Variants in SND1 observed in about 807,000 individuals in gnomAD.
SND1 encodes the protein staphylococcal nuclease and tudor domain containing 1.
A neutral mutation model predicts 121.7 loss-of-function variants in SND1; 38 were observed. The ratio of observed to expected loss-of-function variants is 0.31; its 90% CI spans 0.24 to 0.41. SND1 has a LOEUF of 0.41. SND1 is among the 10% of genes least tolerant of loss of function. The pLI is 1.00. For missense variants in SND1, 868 were observed against 1,184.6 expected, an observed-to-expected ratio of 0.73 and a Z score of 3.92; for synonymous variants, 401 against 447.4, an observed-to-expected ratio of 0.90 and a Z score of 1.31.
At chr7:127,814,926 A>G (rs1246672716) in intron 11 of SND1, among the ~76,000 whole-genome samples, 1 of 152,212 alleles carries the variant, frequency 6.6e-6, no homozygotes, top group Non-Finnish European at 1.5e-5. Context: ...AATTTGGGTC[A>G]TGTAGTTGTA....
intron 10 of SND1, among the ~76,000 whole-genome samples, chr7:127,751,067 T>G (rs1305851627): frequency 6.6e-6 from 1 of 152,180 alleles, no homozygotes; most frequent in Non-Finnish European, 1.5e-5. Context: ...TTATTGATGT[T>G]ACTGAAGCAG....
Position 127,766,603 on chromosome 7 carries a change from GTC to G in SND1, c.1153-40877_1153-40876del, listed in dbSNP as rs370253201. On this transcript the variant is annotated intron_variant, in intron 10 of 23. Coordinates refer to ENST00000354725, the MANE Select transcript of SND1 (RefSeq NM_014390.4). Reference sequence around the variant, plus strand: ...ATCCTGGCCAACGTGGTGAAACCCCGTCTCTACTAAAAATACAAAAAATTAGC... The same window carrying G: ...ATCCTGGCCAACGTGGTGAAACCCCGTCTACTAAAAATACAAAAAATTAGC... Among the ~76,000 whole-genome samples, 1,343 of 151,506 alleles carry G rather than the reference GTC, an allele frequency of 8.9e-3. 24 individuals carry two copies. The highest frequency in any genetic ancestry group is 0.031 in the African/African-American group (1,277 of 41,396).
chr7:127,991,102 A>G (rs768996712), intron 16 of SND1, 46 bp downstream of exon 16: 4 of 1,400,086 alleles, frequency 2.9e-6, no homozygotes, highest in African/African-American at 1.4e-5. Flanking sequence ...GGGTGACAAA[A>G]TAAGGCTCCC....
chr7:127,939,436 A>T (rs1398716171), intron 15 of SND1, among the ~76,000 whole-genome samples: 1 of 152,214 alleles, frequency 6.6e-6, no homozygotes, highest in Non-Finnish European at 1.5e-5. Context: ...TAAAGTCATC[A>T]CTAAAAATAA....
At chr7:127,958,163 C>T (rs1373395150) in intron 15 of SND1, among the ~76,000 whole-genome samples, 2 of 152,162 alleles carry the variant, frequency 1.3e-5, no homozygotes, top group Non-Finnish European at 2.9e-5. Context: ...AGGGCCAACC[C>T]AGATCCAAGA....
intron 15 of SND1, among the ~76,000 whole-genome samples, chr7:127,943,928 C>A (rs1801270654): frequency 6.6e-6 from 1 of 152,202 alleles, no homozygotes; most frequent in Admixed American, 6.5e-5. Flanking sequence ...CCAGTCACTC[C>A]TCATCCTGCT....
At chr7:127,780,230 T>C (rs948751727) in intron 10 of SND1, among the ~76,000 whole-genome samples, 2 of 152,152 alleles carry the variant, frequency 1.3e-5, no homozygotes, top group Non-Finnish European at 2.9e-5. Context: ...TTCTTATGTG[T>C]TTTATATGTT....
intron 11 of SND1, among the ~76,000 whole-genome samples, chr7:127,811,450 G>T (rs1798333589): frequency 6.6e-6 from 1 of 152,108 alleles, no homozygotes; most frequent in African/African-American, 2.4e-5. Context: ...GGTGTTATGG[G>T]AGTTACCCCA....
intron 10 of SND1, among the ~76,000 whole-genome samples, chr7:127,773,989 TATA>T (rs1797567822): frequency 6.6e-6 from 1 of 152,212 alleles, no homozygotes; most frequent in African/African-American, 2.4e-5. Flanking sequence ...CTTCCAGTCG[TATA>T]ATAATAATAA....
At chr7:127,900,462 C>A (rs1268000787) in intron 13 of SND1, among the ~76,000 whole-genome samples, 1 of 152,224 alleles carries the variant, frequency 6.6e-6, no homozygotes, top group East Asian at 1.9e-4. Context: ...AGAGCAGACT[C>A]TTCCTTGGCA....
intron 17 of SND1, among the ~76,000 whole-genome samples, chr7:128,078,807 C>T (rs1343912707): frequency 6.6e-6 from 1 of 152,242 alleles, no homozygotes; most frequent in Admixed American, 6.5e-5. Flanking sequence ...TGGGAGCCCT[C>T]AACAGCTTGC....
chr7:127,910,443 T>A (rs1462163872), intron 14 of SND1, among the ~76,000 whole-genome samples: 1 of 151,312 alleles, frequency 6.6e-6, no homozygotes, highest in African/African-American at 2.4e-5. Context: ...AGACTCCATC[T>A]CAAAAAAAAA....
At chr7:127,869,595 G>A (rs1049088392) in intron 12 of SND1, among the ~76,000 whole-genome samples, 1 of 152,112 alleles carries the variant, frequency 6.6e-6, no homozygotes, top group Non-Finnish European at 1.5e-5. Flanking sequence ...GGCAAGGGTA[G>A]TAGAGAGAGG....
At chr7:128,013,859 A>AAGTTT (rs1379931297) in intron 16 of SND1, among the ~76,000 whole-genome samples, 2 of 152,254 alleles carry the variant, frequency 1.3e-5, no homozygotes, top group Non-Finnish European at 2.9e-5. Flanking sequence ...CTTGTAGAGC[A>AAGTTT]GCCTGTGACT....
chr7:128,027,542 C>G (rs941316109), intron 16 of SND1: 1 of 152,396 alleles, frequency 6.6e-6, no homozygotes, highest in Non-Finnish European at 1.5e-5. Flanking sequence ...AACCAGTTGA[C>G]ATCCGCTGTA....
At chr7:127,827,315 C>T (rs532504733) in intron 11 of SND1, among the ~76,000 whole-genome samples, 1 of 152,230 alleles carries the variant, frequency 6.6e-6, no homozygotes, top group African/African-American at 2.4e-5. Context: ...ATAATTAAAT[C>T]GTTAAAAATT....
intron 12 of SND1, among the ~76,000 whole-genome samples, chr7:127,872,633 C>T (rs976074716): frequency 2.0e-5 from 1 of 51,020 alleles, no homozygotes; most frequent in African/African-American, 8.7e-5. Context: ...CACACGCACA[C>T]ACACACACAC....
intron 9 of SND1, among the ~76,000 whole-genome samples, chr7:127,715,206 A>AT (rs1796366214): frequency 1.3e-5 from 2 of 149,646 alleles, no homozygotes. Flanking sequence ...GTGTGAGGTG[A>AT]TGTCTCATTG....
intron 13 of SND1, among the ~76,000 whole-genome samples, chr7:127,901,279 A>T (rs1800225754): frequency 6.6e-6 from 1 of 152,114 alleles, no homozygotes; most frequent in Admixed American, 6.6e-5. Flanking sequence ...ATAGCCTGGA[A>T]TAAAGATGGT....
Sources: gnomAD v4.1 joint callset for allele counts (sites outside exome capture counted in the v4.1 genomes callset) on GRCh38, gnomAD v4.1.1 for gene constraint, MANE v1.5 for transcripts, NCBI Gene and HGNC (gene_info 2026-07-23, HGNC 2026-07-21) for gene names.